The following SYT14 variants were observed in gnomAD, a reference collection of about 807,000 sequenced individuals.
SYT14 encodes synaptotagmin 14.
In SYT14, 32 loss-of-function variants were observed where a neutral mutation model predicts 74.2. The observed-to-expected ratio is 0.43, with a 90% CI of 0.33 to 0.58. SYT14 has a LOEUF of 0.58. Among genes scored for constraint, SYT14 ranks in the 20% least tolerant of loss-of-function variants. The probability of loss-of-function intolerance (pLI) is 0.05; values close to 1 mark genes in which losing one functional copy is unlikely to be tolerated. For synonymous variants in SYT14, 298 were observed against 337.7 expected, an observed-to-expected ratio of 0.88 and a Z score of 1.29; for missense variants, 791 against 981.8, an observed-to-expected ratio of 0.81 and a Z score of 2.60.
At chr1:210,129,129 C>A (rs557651066) in intron 7 of SYT14, among the ~76,000 whole-genome samples, 4 of 152,210 alleles carry the variant, frequency 2.6e-5, no homozygotes, top group Admixed American at 2.6e-4. Flanking sequence ...ATATAAAAAG[C>A]CAGAGATTAC....
intron 5 of SYT14, among the ~76,000 whole-genome samples, chr1:210,035,923 T>C (rs2080651554): frequency 2.0e-5 from 3 of 152,064 alleles, no homozygotes; most frequent in Admixed American, 2.0e-4. Context: ...TGGGGATTGT[T>C]TTTTCTAATT....
intron 2 of SYT14, among the ~76,000 whole-genome samples, chr1:209,992,116 A>G (rs2079699957): frequency 6.6e-6 from 1 of 152,192 alleles, no homozygotes; most frequent in Non-Finnish European, 1.5e-5. Flanking sequence ...GTCTACCAAT[A>G]GATGACTGGA....
chr1:210,037,777 T>C (rs980068534), intron 5 of SYT14, among the ~76,000 whole-genome samples: 1 of 152,104 alleles, frequency 6.6e-6, no homozygotes, highest in Non-Finnish European at 1.5e-5. Context: ...TTTCTAATTT[T>C]ATTCCACTCT....
At chr1:210,045,897 A>G (rs1036933358) in intron 5 of SYT14, among the ~76,000 whole-genome samples, 7 of 152,120 alleles carry the variant, frequency 4.6e-5, no homozygotes, top group South Asian at 2.1e-4. Flanking sequence ...AAATTTAACA[A>G]TTTTATTGTA....
At chr1:209,940,383 C>A (rs1329946863) in intron 1 of SYT14, among the ~76,000 whole-genome samples, 1 of 141,594 alleles carries the variant, frequency 7.1e-6, no homozygotes, top group African/African-American at 3.0e-5. Context: ...TTTTTTTGTA[C>A]AATAGCTGTA....
At chr1:209,991,850 CAAAT>C (rs770455330) in intron 2 of SYT14, among the ~76,000 whole-genome samples, 44 of 150,760 alleles carry the variant, frequency 2.9e-4, no homozygotes, top group Admixed American at 1.6e-3. Flanking sequence ...AAAAAAAAGT[CAAAT>C]AACAGATATT....
chr1:210,146,487 A>G (rs918615249), intron 7 of SYT14, among the ~76,000 whole-genome samples: 2 of 152,218 alleles, frequency 1.3e-5, no homozygotes, highest in African/African-American at 2.4e-5. Flanking sequence ...GTACTACAGT[A>G]TAATGGATAC....
chr1:209,997,032 C>G (rs933318828), intron 2 of SYT14, among the ~76,000 whole-genome samples: 1 of 152,012 alleles, frequency 6.6e-6, no homozygotes, highest in African/African-American at 2.4e-5. Context: ...AAGCTAGAAC[C>G]TTTCTCCTTG....
intron 2 of SYT14, among the ~76,000 whole-genome samples, chr1:209,990,838 C>T (rs1381353585): frequency 6.6e-6 from 1 of 151,768 alleles, no homozygotes; most frequent in African/African-American, 2.4e-5. Context: ...AAAGCTTTGT[C>T]AGATTGGTAT....
chr1:210,053,153 G>T (rs1336023710), intron 5 of SYT14, among the ~76,000 whole-genome samples: 2 of 152,152 alleles, frequency 1.3e-5, no homozygotes, highest in Admixed American at 6.5e-5. Flanking sequence ...TTCATGCATA[G>T]AAGGTAGAAT....
chr1:210,104,364 C>A (rs144524519), intron 7 of SYT14, among the ~76,000 whole-genome samples: 121 of 152,258 alleles, frequency 7.9e-4, no homozygotes, highest in Non-Finnish European at 1.5e-5. Context: ...AATTACTATT[C>A]CACTTTATGA....
At chr1:210,052,071 G>A (rs915946827) in intron 5 of SYT14, among the ~76,000 whole-genome samples, 15 of 152,076 alleles carry the variant, frequency 9.9e-5, no homozygotes, top group Admixed American at 5.9e-4. Flanking sequence ...CACTGTTGTC[G>A]AATTGTTAAC....
At chr1:209,953,378 A>G (rs2078942626) in intron 2 of SYT14, 1 of 617,812 alleles carries the variant, frequency 1.6e-6, no homozygotes, top group East Asian at 6.8e-5. Context: ...ATGAAATCAT[A>G]TGAAGGAAAG....
chr1:210,167,879 C>T (rs2083472399), exon 10 of SYT14: 1 of 152,114 alleles, frequency 6.6e-6, no homozygotes, highest in African/African-American at 2.4e-5. Context: ...TTCATATACA[C>T]TCAAACTAGA....
At chr1:210,160,689 TC>T (rs1250636018) in intron 9 of SYT14, 39 bp from the exon 9 acceptor site, 2 of 1,580,706 alleles carry the variant, frequency 1.3e-6, no homozygotes, top group African/African-American at 2.7e-5. Flanking sequence ...TGAGTTTGTT[TC>T]AAATGATATT....
chr1:209,943,560 A>G (rs1021359792), intron 1 of SYT14, among the ~76,000 whole-genome samples: 5 of 149,590 alleles, frequency 3.3e-5, no homozygotes, highest in African/African-American at 9.8e-5. Flanking sequence ...GTGCATGCCA[A>G]TGGGGAAAGC....
intron 5 of SYT14, among the ~76,000 whole-genome samples, chr1:210,028,165 C>CT: frequency 6.6e-6 from 1 of 151,648 alleles, no homozygotes; most frequent in South Asian, 2.1e-4. Context: ...TGTATTTGTC[C>CT]TTTTTTTGTC....
intron 7 of SYT14, among the ~76,000 whole-genome samples, chr1:210,139,644 C>A (rs1006766510): frequency 4.5e-4 from 69 of 152,112 alleles, no homozygotes; most frequent in African/African-American, 1.6e-3. Flanking sequence ...TAGCCATTAG[C>A]AATTACACCT....
intron 1 of SYT14, among the ~76,000 whole-genome samples, chr1:209,943,110 AATAGATTTACTTTTGAATAATTTAC>A (rs2102646896): frequency 6.6e-6 from 1 of 152,336 alleles, no homozygotes; most frequent in Non-Finnish European, 1.5e-5. Context: ...TAAAAAACCC[AATAGATTTACTTTTGAATAATTTAC>A]AGTTTATTCA....
Sources: gnomAD v4.1 joint callset for allele counts (sites outside exome capture counted in the v4.1 genomes callset) on GRCh38, gnomAD v4.1.1 for gene constraint, MANE v1.5 for transcripts, NCBI Gene and HGNC (gene_info 2026-07-23, HGNC 2026-07-21) for gene names.